The following LAPTM5 variants were observed in gnomAD, a reference collection of about 807,000 sequenced individuals.
The protein encoded by LAPTM5 is lysosomal-associated transmembrane protein 5.
A neutral mutation model predicts 30.1 loss-of-function variants in LAPTM5; 11 were observed. That is an observed-to-expected ratio of 0.37 (90% CI 0.23 to 0.60). LAPTM5 has a LOEUF of 0.60. Among genes scored for constraint, LAPTM5 ranks in the 20% least tolerant of loss-of-function variants. The pLI is 0.71. For missense variants in LAPTM5, 324 were observed against 332.5 expected (o/e 0.97, Z 0.20); for synonymous variants, 151 against 137.9 (o/e 1.10, Z -0.67).
At chr1:30,757,079 G>C (rs1640221650) in intron 1 of LAPTM5, among the ~76,000 whole-genome samples, 1 of 152,220 alleles carries the variant, frequency 6.6e-6, no homozygotes, top group African/African-American at 2.4e-5. Flanking sequence ...GTTCTCTTTG[G>C]TGGGCAGAAG....
At chr1:30,736,311 T>G (rs1376824510) in intron 6 of LAPTM5, among the ~76,000 whole-genome samples, 1 of 152,208 alleles carries the variant, frequency 6.6e-6, no homozygotes, top group African/African-American at 2.4e-5. Context: ...GGTCTGCAGA[T>G]GCCCACCCAC....
chr1:30,753,647 C>T (rs1324937943), intron 1 of LAPTM5, among the ~76,000 whole-genome samples: 1 of 152,078 alleles, frequency 6.6e-6, no homozygotes, highest in Non-Finnish European at 1.5e-5. Context: ...AACCATCATA[C>T]CAAGAGGAAC....
chr1:30,741,753 G>A, intron 2 of LAPTM5, 37 bp from the exon 3 acceptor site: 1 of 1,515,702 alleles, frequency 6.6e-7, no homozygotes, highest in Non-Finnish European at 9.0e-7. Context: ...GCTCAGGGGT[G>A]CCCCTGGGAC....
chr1:30,755,701 G>A lies in LAPTM5; in HGVS notation c.87+1958C>T, dbSNP rs1640199430. Reference sequence around the variant, plus strand: ...ACAGCCCCACAGTCCCGGGTTTGCAGGGCAGCCTCTGGGCCCACACAACCT... The same window carrying A: ...ACAGCCCCACAGTCCCGGGTTTGCAAGGCAGCCTCTGGGCCCACACAACCT... On this transcript the variant is annotated intron_variant, in intron 1 of 7. Coordinates refer to ENST00000294507, the MANE Select transcript of LAPTM5 (RefSeq NM_006762.3). Among the ~76,000 whole-genome samples, 5 of 152,332 alleles carry A rather than the reference G, an allele frequency of 3.3e-5. No individual in the cohort carries two copies. In the South Asian group the frequency reaches 1.0e-3, roughly 32 times the overall value.
intron 1 of LAPTM5, among the ~76,000 whole-genome samples, chr1:30,753,223 G>A (rs1001838198): frequency 1.3e-5 from 2 of 152,022 alleles, no homozygotes; most frequent in African/African-American, 2.4e-5. Context: ...AATAAACTGG[G>A]AGTACAGACA....
At chr1:30,741,862 C>T in intron 2 of LAPTM5, 146 bp from the exon 3 acceptor site, 1 of 555,280 alleles carries the variant, frequency 1.8e-6, no homozygotes, top group South Asian at 2.2e-5. Flanking sequence ...AGTCCTGAGT[C>T]TGGAGTGAGT....
intron 1 of LAPTM5, among the ~76,000 whole-genome samples, chr1:30,754,878 G>A (rs1030746279): frequency 2.0e-5 from 3 of 152,228 alleles, no homozygotes; most frequent in Non-Finnish European, 4.4e-5. Flanking sequence ...ACCCATGGCT[G>A]GGTCCAGATG....
chr1:30,739,726 AG>A lies in LAPTM5; in HGVS notation c.387+82del. The A allele has an allele frequency of 6.9e-7, 1 of 1,447,626 alleles. No individual in the cohort carries two copies. Among genetic ancestry groups the A allele is most frequent in the Non-Finnish European group, 9.2e-7 (1 of 1,088,990 alleles). 89.7% of individuals were successfully genotyped at this position (1,447,626 alleles called of 1,614,324 possible). On this transcript the variant is annotated intron_variant, in intron 4 of 7. Transcript: ENST00000294507. This position sits in a 1 kb window ranked among gnomAD's most constrained non-coding sequence, Gnocchi z 4.2. ...CTCCTACCCTCCCCAGCCTGAGCAC[AG>A]GGCCCGTGTCTGGTCCCCTCCCATC...
rs1639941997 is a variant in LAPTM5 at position 30,739,809 on chromosome 1, A to G, written c.387T>C (p.Ala129=). The G allele has an allele frequency of 6.3e-7, 1 of 1,599,956 alleles. No individual in the cohort carries two copies. The highest frequency in any genetic ancestry group is 1.7e-5 in the Admixed American group (1 of 57,996). Residue 129 remains alanine (A), a splice_region_variant and synonymous_variant, in exon 4 of 8, where the codon GCT becomes GCC. Transcript: ENST00000294507. The surrounding 1 kb of genome is among the most constrained non-coding windows in gnomAD (Gnocchi z 4.2). Reference sequence around the variant, plus strand: ...TGAGAGGTGGGGGCTGGGTACTCACAGCACGGCTCCGGGAGGCCAACTTGA... The same window carrying G: ...TGAGAGGTGGGGGCTGGGTACTCACGGCACGGCTCCGGGAGGCCAACTTGA... ...AYLKLASRSR[A]SSSKFPLMTL...
rs566974745 is a variant in LAPTM5 at position 30,747,403 on chromosome 1, C to CA, written c.88-4855dup. On this transcript the variant is annotated intron_variant, in intron 1 of 7. Transcript: ENST00000294507. ...TCACACACCAAAACTGTCGCAGGGT[C>CA]AAAATCAGCTCTGTCCTCCTGCCTC... Among the ~76,000 whole-genome samples, 747 of 152,260 alleles carry CA rather than the reference C, an allele frequency of 4.9e-3. 2 individuals are homozygous for CA. Among genetic ancestry groups the CA allele is most frequent in the Non-Finnish European group, 7.4e-3 (501 of 68,012 alleles).
chr1:30,757,630 G>GCACACA (rs1318858441), intron 1 of LAPTM5, 29 bp downstream of exon 1: 6 of 1,604,024 alleles, frequency 3.7e-6, no homozygotes, highest in Non-Finnish European at 5.1e-6. Flanking sequence ...AAGCACGCAC[G>GCACACA]CACACACACC....
intron 1 of LAPTM5, among the ~76,000 whole-genome samples, chr1:30,755,204 G>A (rs1215631192): frequency 6.6e-6 from 1 of 151,764 alleles, no homozygotes; most frequent in Non-Finnish European, 1.5e-5. Context: ...GAGAGATTGG[G>A]CCCCATAACT....
Position 30,737,416 on chromosome 1 carries a change from G to T in LAPTM5, c.606+188C>A, listed in dbSNP as rs570660561. ...TTTACGGATTCACATGCCCTAAATGGGCTGTCTCGGAGGATCCCAAGTAAA... is the reference window on the plus strand; with the variant it reads ...TTTACGGATTCACATGCCCTAAATGTGCTGTCTCGGAGGATCCCAAGTAAA... On this transcript the variant is annotated intron_variant, in intron 6 of 7. Transcript: ENST00000294507. Among the ~76,000 whole-genome samples the T allele has an allele frequency of 2.0e-5, 3 of 152,264 alleles. No homozygotes were observed. The East Asian group carries it at 5.8e-4, about 29-fold the overall frequency.
chr1:30,751,052 A>G (rs1174738420), intron 1 of LAPTM5, among the ~76,000 whole-genome samples: 1 of 152,254 alleles, frequency 6.6e-6, no homozygotes, highest in Non-Finnish European at 1.5e-5. Context: ...CTGATGCTCT[A>G]GGCTCAAAAT....
intron 1 of LAPTM5, among the ~76,000 whole-genome samples, chr1:30,750,484 C>T (rs1481766972): frequency 6.6e-6 from 1 of 152,220 alleles, no homozygotes; most frequent in South Asian, 2.1e-4. Context: ...GGCCGACTGA[C>T]CATACACTCT....
chr1:30,737,823 A>C (rs2124178235), intron 5 of LAPTM5, 124 bp from the exon 6 acceptor site: 6 of 603,100 alleles, frequency 9.9e-6, no homozygotes, highest in Non-Finnish European at 5.9e-6. Context: ...CACAGCCGTC[A>C]CCTTGGTCGA....
At position 30,733,807 on chromosome 1, in the gene LAPTM5, G is replaced by A; in HGVS notation, c.*21C>T. 6.3e-7 allele frequency: 1 copy of A among 1,597,512 alleles called. No homozygotes were observed. Among genetic ancestry groups the A allele is most frequent in the Non-Finnish European group, 8.5e-7 (1 of 1,174,472 alleles). On this transcript the variant is annotated 3_prime_UTR_variant, in exon 8 of 8. Transcript: ENST00000294507. ...AGGCAGCTCCACCCCTCCCAGCACT[G>A]GGGCTGGGGCCTGGCGAGGGTCACA... is the stretch of plus-strand genomic sequence containing the variant.
intron 2 of LAPTM5, 36 bp downstream of exon 2, chr1:30,742,420 T>TC (rs771262736): frequency 2.7e-6 from 4 of 1,488,672 alleles, no homozygotes; most frequent in East Asian, 4.6e-5. Flanking sequence ...CCTGTCCTCC[T>TC]CCCCCCGCCA....
intron 1 of LAPTM5, among the ~76,000 whole-genome samples, chr1:30,754,785 A>G (rs1425030661): frequency 6.6e-6 from 1 of 152,136 alleles, no homozygotes; most frequent in African/African-American, 2.4e-5. Flanking sequence ...AGAGCGTGGC[A>G]CTGTCTCAGG....
Sources: allele counts gnomAD v4.1 joint callset (sites outside exome capture counted in the v4.1 genomes callset), GRCh38; gene constraint gnomAD v4.1.1; non-coding constraint Gnocchi (gnomAD v3.1); transcripts MANE v1.5; gene names NCBI Gene and HGNC (gene_info 2026-07-23, HGNC 2026-07-21).